The following AUTS2 variants were observed in gnomAD, a reference collection of about 807,000 sequenced individuals.
AUTS2 encodes autism susceptibility gene 2 protein.
Under a neutral mutation model 112.4 loss-of-function variants are expected in AUTS2, and 17 were observed. The observed-to-expected ratio is 0.15, with a 90% CI of 0.10 to 0.23. The LOEUF (loss-of-function observed/expected upper bound fraction) is 0.23, where lower values mean the gene tolerates loss of function less well. AUTS2 is among the 10% of genes least tolerant of loss of function. AUTS2 has a pLI of 1.00. For missense variants in AUTS2, 1,510 were observed against 1,701.6 expected, an observed-to-expected ratio of 0.89 and a Z score of 1.98; for synonymous variants, 751 against 702.7, an observed-to-expected ratio of 1.07 and a Z score of -1.09.
At position 69,918,804 on chromosome 7, in the gene AUTS2, G is replaced by A. The variant is rs186590461; in HGVS notation, c.522+19306G>A. 3.9e-5 allele frequency among the ~76,000 whole-genome samples: 6 copies of A among 152,254 alleles called. No homozygotes were observed. The East Asian group carries it at 1.2e-3, about 29-fold the overall frequency. ...ATTGTAGGAAACAGCGCTTAGAGCT[G>A]GGATCCTAGGATTTTAATACTAGGA... On this transcript the variant is annotated intron_variant, in intron 2 of 18. Coordinates refer to ENST00000342771, the MANE Select transcript of AUTS2 (RefSeq NM_015570.4).
intron 2 of AUTS2, 90 bp downstream of exon 2, chr7:69,899,588 A>G: frequency 1.6e-6 from 2 of 1,245,424 alleles, no homozygotes; most frequent in Non-Finnish European, 2.3e-6. Flanking sequence ...ACAGGTGGAG[A>G]AGATATCCTT....
intron 4 of AUTS2, among the ~76,000 whole-genome samples, chr7:70,307,219 A>G (rs1160226911): frequency 6.6e-6 from 1 of 152,210 alleles, no homozygotes; most frequent in Non-Finnish European, 1.5e-5. Context: ...ACATTTCAGG[A>G]TTTAATGGTG....
intron 5 of AUTS2, among the ~76,000 whole-genome samples, chr7:70,539,917 C>T (rs1326343658): frequency 6.6e-6 from 1 of 152,204 alleles, no homozygotes; most frequent in Admixed American, 6.5e-5. Flanking sequence ...TCTCTGCAAA[C>T]CTATGTAGGG....
chr7:70,059,793 A>G (rs1039273632), intron 2 of AUTS2, among the ~76,000 whole-genome samples: 2 of 152,046 alleles, frequency 1.3e-5, no homozygotes, highest in African/African-American at 4.8e-5. Flanking sequence ...GGCCATAGGA[A>G]CCCATGGCAG....
chr7:70,587,228 C>T (rs769308920), intron 5 of AUTS2, among the ~76,000 whole-genome samples: 1 of 152,174 alleles, frequency 6.6e-6, no homozygotes, highest in Non-Finnish European at 1.5e-5. Flanking sequence ...GAGGAACATA[C>T]CACCATGCGG....
intron 5 of AUTS2, among the ~76,000 whole-genome samples, chr7:70,536,482 G>A (rs1800321877): frequency 6.7e-6 from 1 of 148,776 alleles, no homozygotes; most frequent in Non-Finnish European, 1.5e-5. Context: ...AATATGCAGA[G>A]TAGGCACACC....
intron 5 of AUTS2, among the ~76,000 whole-genome samples, chr7:70,687,936 C>T (rs1808552048): frequency 6.6e-6 from 1 of 152,172 alleles, no homozygotes; most frequent in African/African-American, 2.4e-5. Context: ...CTGGGCTGAA[C>T]AGTGTGGAAG....
chr7:70,385,063 T>C (rs1177375064), intron 4 of AUTS2, among the ~76,000 whole-genome samples: 1 of 152,198 alleles, frequency 6.6e-6, no homozygotes. Flanking sequence ...TTTCCATCCA[T>C]TGGAGTCATG....
chr7:70,195,040 G>T (rs1438020577), intron 4 of AUTS2, among the ~76,000 whole-genome samples: 1 of 152,098 alleles, frequency 6.6e-6, no homozygotes, highest in African/African-American at 2.4e-5. Flanking sequence ...TCTCCACTTG[G>T]ATATGGCTCT....
rs567923621 is a variant in AUTS2 at position 69,746,835 on chromosome 7, G to C, written c.309+146873G>C. Among the ~76,000 whole-genome samples, 6 of 152,236 alleles carry C rather than the reference G, an allele frequency of 3.9e-5. No homozygotes were observed. In the East Asian group the frequency reaches 1.2e-3, roughly 29 times the overall value. On this transcript the variant is annotated intron_variant, in intron 1 of 18. Transcript: ENST00000342771. ...AAGAAGACTCTGACCATTGTGTTGAGAATGGAGTTTGTGGGGGGAAACTCA... is the reference window on the plus strand; with the variant it reads ...AAGAAGACTCTGACCATTGTGTTGACAATGGAGTTTGTGGGGGGAAACTCA...
intron 5 of AUTS2, among the ~76,000 whole-genome samples, chr7:70,449,318 C>T (rs2131040291): frequency 6.6e-6 from 1 of 152,320 alleles, no homozygotes; most frequent in Admixed American, 6.5e-5. Context: ...TCTCCTTTTC[C>T]ACTGCCATTG....
chr7:70,046,205 C>T (rs1291143860), intron 2 of AUTS2, among the ~76,000 whole-genome samples: 1 of 152,096 alleles, frequency 6.6e-6, no homozygotes, highest in African/African-American at 2.4e-5. Context: ...AAGTTCTCAT[C>T]TAATAGGGTG....
At chr7:70,080,802 T>C (rs763815916) in intron 2 of AUTS2, among the ~76,000 whole-genome samples, 2 of 152,168 alleles carry the variant, frequency 1.3e-5, no homozygotes, top group Non-Finnish European at 2.9e-5. Flanking sequence ...TTATGGAATA[T>C]GAAGTCAGGA....
At chr7:70,507,661 G>A (rs1306333332) in intron 5 of AUTS2, among the ~76,000 whole-genome samples, 1 of 152,044 alleles carries the variant, frequency 6.6e-6, no homozygotes, top group Non-Finnish European at 1.5e-5. Context: ...GCCAGGTATG[G>A]TGACGGGCAC....
chr7:70,145,110 T>C (rs1807062454), intron 4 of AUTS2, among the ~76,000 whole-genome samples: 1 of 152,134 alleles, frequency 6.6e-6, no homozygotes, highest in African/African-American at 2.4e-5. Context: ...GCTCTTCTTG[T>C]AATGCCCCAC....
intron 5 of AUTS2, among the ~76,000 whole-genome samples, chr7:70,640,421 G>GAAAAAAAAAAAAAAA (rs57911940): frequency 1.1e-5 from 1 of 93,638 alleles, no homozygotes; most frequent in African/African-American, 4.3e-5. Flanking sequence ...CTCACAGGGG[G>GAAAAAAAAAAAAAAA]AAAAAAAAAA....
intron 2 of AUTS2, among the ~76,000 whole-genome samples, chr7:70,099,257 T>C (rs1160494727): frequency 6.6e-6 from 1 of 152,196 alleles, no homozygotes; most frequent in African/African-American, 2.4e-5. Flanking sequence ...TGTATTTAAC[T>C]CCAAAAACTG....
chr7:70,738,989 C>T (rs1007261884), intron 6 of AUTS2, among the ~76,000 whole-genome samples: 4 of 115,782 alleles, frequency 3.5e-5, no homozygotes, highest in Admixed American at 9.2e-5. Context: ...GTGATGTCCA[C>T]GAGGTTTTGA....
intron 5 of AUTS2, among the ~76,000 whole-genome samples, chr7:70,656,405 T>C (rs1360777368): frequency 6.6e-6 from 1 of 152,082 alleles, no homozygotes; most frequent in Non-Finnish European, 1.5e-5. Flanking sequence ...TTGGCTCTTA[T>C]TGTCTTTTTT....
Sources: allele counts gnomAD v4.1 joint callset (sites outside exome capture counted in the v4.1 genomes callset), GRCh38; gene constraint gnomAD v4.1.1; transcripts MANE v1.5; gene names NCBI Gene and HGNC (gene_info 2026-07-23, HGNC 2026-07-21).